FGF14: variants seen among roughly 807,000 people sequenced by gnomAD.
FGF14 encodes the protein fibroblast growth factor homologous factor 4.
Under a neutral mutation model 25.5 loss-of-function variants are expected in FGF14, and 5 were observed. The ratio of observed to expected loss-of-function variants is 0.20; its 90% CI spans 0.10 to 0.41. The LOEUF (loss-of-function observed/expected upper bound fraction) is 0.41, where lower values mean the gene tolerates loss of function less well. Among genes scored for constraint, FGF14 ranks in the 10% least tolerant of loss-of-function variants. The pLI is 1.00. For synonymous variants in FGF14, 138 were observed against 118.3 expected, an observed-to-expected ratio of 1.17 and a Z score of -1.08; for missense variants, 222 against 320.1, an observed-to-expected ratio of 0.69 and a Z score of 2.34.
chr13:102,284,809 T>TA (rs1283841574), intron 1 of FGF14, among the ~76,000 whole-genome samples: 1 of 152,030 alleles, frequency 6.6e-6, no homozygotes, highest in African/African-American at 2.4e-5. Context: ...TACCGAGGAG[T>TA]AAAGAAGACC....
chr13:102,239,569 A>G (rs1328419840), intron 1 of FGF14, among the ~76,000 whole-genome samples: 1 of 152,156 alleles, frequency 6.6e-6, no homozygotes, highest in Non-Finnish European at 1.5e-5. Flanking sequence ...TAAATGGGGA[A>G]CATGCATTTA....
At chr13:102,274,708 A>G (rs1340702776) in intron 1 of FGF14, among the ~76,000 whole-genome samples, 1 of 152,116 alleles carries the variant, frequency 6.6e-6, no homozygotes, top group Non-Finnish European at 1.5e-5. Flanking sequence ...ATACACATAC[A>G]TACTAAAAGA....
chr13:101,850,101 A>G (rs1180141451), intron 3 of FGF14, among the ~76,000 whole-genome samples: 1 of 151,686 alleles, frequency 6.6e-6, no homozygotes, highest in Middle Eastern at 3.2e-3. Context: ...TCCAAATGCA[A>G]TGTAAGCAAA....
chr13:101,942,453 G>A (rs2035515894), intron 1 of FGF14, among the ~76,000 whole-genome samples: 1 of 152,140 alleles, frequency 6.6e-6, no homozygotes, highest in Admixed American at 6.5e-5. Context: ...TAAAAATTTA[G>A]TACTCATTTG....
chr13:102,155,984 C>T (rs138973004), intron 1 of FGF14, among the ~76,000 whole-genome samples: 8,522 of 152,184 alleles, frequency 0.056, 276 homozygotes, highest in Middle Eastern at 0.17. Context: ...CTGAATAGAC[C>T]AATAATAGGC....
intron 1 of FGF14, among the ~76,000 whole-genome samples, chr13:102,021,087 G>A (rs563893528): frequency 2.0e-5 from 3 of 152,058 alleles, no homozygotes; most frequent in Admixed American, 1.3e-4. Context: ...TGTGCCTTAA[G>A]TGGAGGGAAG....
chr13:101,987,725 T>G (rs1056093283), intron 1 of FGF14, among the ~76,000 whole-genome samples: 13 of 152,132 alleles, frequency 8.5e-5, no homozygotes, highest in African/African-American at 2.7e-4. Flanking sequence ...ATGACTGAAA[T>G]AACCAATGTG....
intron 3 of FGF14, among the ~76,000 whole-genome samples, chr13:101,830,643 AGG>A (rs1188989246): frequency 3.9e-5 from 6 of 152,042 alleles, no homozygotes; most frequent in Non-Finnish European, 5.9e-5. Flanking sequence ...CCTAATTTTT[AGG>A]AAATTTCTAA....
intron 1 of FGF14, among the ~76,000 whole-genome samples, chr13:102,218,539 T>C (rs2050471850): frequency 1.3e-5 from 2 of 151,896 alleles, no homozygotes; most frequent in African/African-American, 4.8e-5. Flanking sequence ...ATATCAAATA[T>C]TAGAGGAAAA....
chr13:101,843,878 TGA>T (rs1457127433), intron 3 of FGF14, among the ~76,000 whole-genome samples: 2 of 151,992 alleles, frequency 1.3e-5, no homozygotes, highest in African/African-American at 4.8e-5. Flanking sequence ...AGTAAGAACA[TGA>T]GACCTACAAA....
chr13:101,727,556 G>A (rs2035524356), intron 3 of FGF14, among the ~76,000 whole-genome samples: 1 of 152,100 alleles, frequency 6.6e-6, no homozygotes, highest in Admixed American at 6.6e-5. Context: ...GCCATGGTCT[G>A]CATTAATTGA....
intron 1 of FGF14, among the ~76,000 whole-genome samples, chr13:102,044,481 A>G (rs1187653791): frequency 6.6e-6 from 1 of 152,052 alleles, no homozygotes; most frequent in African/African-American, 2.4e-5. Flanking sequence ...TAGGGCAACT[A>G]TTTGCCAGAT....
Position 101,722,660 on chromosome 13 carries a change from G to T in FGF14, c.*171C>A. ...TCCAGGTGTCTTCTTGTTGTGGGGG[G>T]TGCAACAGGTTGAGATTTATCCACT... On this transcript the variant is annotated 3_prime_UTR_variant, in exon 5 of 5. Coordinates refer to ENST00000376143, the MANE Select transcript of FGF14 (RefSeq NM_004115.4). The T allele has an allele frequency of 1.2e-6, 1 of 814,610 alleles. No individual in the cohort carries two copies. The highest frequency in any genetic ancestry group is 2.0e-6 in the Non-Finnish European group (1 of 504,196). The allele number at this position is 814,610 out of a possible 1,614,324, so 50.5% of individuals were successfully genotyped here. A position where few individuals can be genotyped will look rare whatever the true frequency, so the allele number is the denominator to read the frequency against.
intron 1 of FGF14, among the ~76,000 whole-genome samples, chr13:102,230,384 C>T (rs1457290688): frequency 6.6e-6 from 1 of 152,166 alleles, no homozygotes; most frequent in Non-Finnish European, 1.5e-5. Context: ...CCTTAAGGAG[C>T]TCCCTGTCTA....
chr13:101,865,002 T>C (rs1168271166), intron 3 of FGF14, among the ~76,000 whole-genome samples: 2 of 152,070 alleles, frequency 1.3e-5, no homozygotes, highest in African/African-American at 4.8e-5. Context: ...TTAACACAGG[T>C]ATTGGTTGTC....
intron 1 of FGF14, among the ~76,000 whole-genome samples, chr13:102,133,130 C>T (rs2046270043): frequency 6.6e-6 from 1 of 152,146 alleles, no homozygotes; most frequent in Non-Finnish European, 1.5e-5. Context: ...CGATTTCCCA[C>T]CAGCACAGCA....
intron 1 of FGF14, among the ~76,000 whole-genome samples, chr13:101,933,222 C>T (rs2034883771): frequency 6.6e-6 from 1 of 152,136 alleles, no homozygotes; most frequent in Non-Finnish European, 1.5e-5. Flanking sequence ...ATCGATATCC[C>T]TTTTCTTGGC....
At chr13:102,093,481 T>C (rs375669771) in intron 1 of FGF14, among the ~76,000 whole-genome samples, 1 of 152,184 alleles carries the variant, frequency 6.6e-6, no homozygotes, top group South Asian at 2.1e-4. Context: ...TGAGCTCAAG[T>C]GTCAAAAGTA....
chr13:101,910,061 G>A (rs1301582537), intron 1 of FGF14, among the ~76,000 whole-genome samples: 3 of 152,010 alleles, frequency 2.0e-5, no homozygotes, highest in South Asian at 4.2e-4. Context: ...CATGGACACA[G>A]GAAGGGGAAC....
Sources: allele counts gnomAD v4.1 joint callset (sites outside exome capture counted in the v4.1 genomes callset), GRCh38; gene constraint gnomAD v4.1.1; transcripts MANE v1.5; gene names NCBI Gene and HGNC (gene_info 2026-07-23, HGNC 2026-07-21).